Variants in LTBP1 observed in about 807,000 individuals in gnomAD.
LTBP1 encodes latent transforming growth factor beta binding protein 1.
LTBP1 carries 129 observed loss-of-function variants against 207.6 expected under a neutral mutation model. The observed-to-expected ratio is 0.62, with a 90% CI of 0.54 to 0.72. LTBP1 has a LOEUF of 0.72. Ranked by LOEUF, LTBP1 falls within the 30% of genes least tolerant of loss-of-function variation. The pLI is 0.00. For synonymous variants in LTBP1, 963 were observed against 833.7 expected, an observed-to-expected ratio of 1.16 and a Z score of -2.67; for missense variants, 2,281 against 2,217.2, an observed-to-expected ratio of 1.03 and a Z score of -0.58.
intron 9 of LTBP1, among the ~76,000 whole-genome samples, chr2:33,232,212 A>G (rs985270392): frequency 5.3e-5 from 8 of 152,194 alleles, no homozygotes; most frequent in African/African-American, 1.7e-4. Flanking sequence ...GAACCCAATC[A>G]GATATCCAGC....
At chr2:33,213,461 C>A (rs752714802) in intron 7 of LTBP1, among the ~76,000 whole-genome samples, 2 of 152,216 alleles carry the variant, frequency 1.3e-5, no homozygotes, top group Non-Finnish European at 2.9e-5. Flanking sequence ...CACCAGAAAG[C>A]AGAACCTAAC....
intron 3 of LTBP1, among the ~76,000 whole-genome samples, chr2:33,082,776 A>G (rs2078521678): frequency 6.6e-6 from 1 of 152,112 alleles, no homozygotes; most frequent in South Asian, 2.1e-4. Flanking sequence ...ATTTCTGACC[A>G]TGCTGTAGGA....
intron 3 of LTBP1, among the ~76,000 whole-genome samples, chr2:33,060,988 C>T (rs1027234612): frequency 6.6e-6 from 1 of 151,794 alleles, no homozygotes; most frequent in Non-Finnish European, 1.5e-5. Flanking sequence ...AGATCATAGA[C>T]CAATAACAAG....
chr2:33,062,707 A>G (rs1477930056), intron 3 of LTBP1, among the ~76,000 whole-genome samples: 2 of 152,194 alleles, frequency 1.3e-5, no homozygotes, highest in Non-Finnish European at 2.9e-5. Flanking sequence ...ATGAGAGGAT[A>G]TGTTCCAAGA....
In LTBP1 at chr2:33,263,385, A is replaced by G. The variant is rs767864557; in HGVS notation, c.2610A>G (p.Gln870=). The G allele has an allele frequency of 6.2e-7, 1 of 1,612,974 alleles. No individual in the cohort carries two copies. The highest frequency in any genetic ancestry group is 8.5e-7 in the Non-Finnish European group (1 of 1,179,202). ...SSASQVIAPT[Q]VTEINECTVN... ...CCAGCCAAGTGATTGCTCCTACTCA[A>G]GTGACAGGTTGGTGCAGTATTTTTA... The change falls in exon 15 of 34, where the codon CAA becomes CAG. Residue 870 remains glutamine, a synonymous_variant. Transcript: ENST00000404816.
chr2:33,296,697 A>T (rs189033535), intron 20 of LTBP1, among the ~76,000 whole-genome samples: 120 of 152,190 alleles, frequency 7.9e-4, no homozygotes, highest in Non-Finnish European at 1.5e-3. Flanking sequence ...CAAGATTATA[A>T]TATATATATA....
At chr2:33,343,272 T>G (rs1357561224) in intron 25 of LTBP1, among the ~76,000 whole-genome samples, 1 of 151,578 alleles carries the variant, frequency 6.6e-6, no homozygotes, top group Non-Finnish European at 1.5e-5. Context: ...TTAGCCAGGC[T>G]TGATGGTGGA....
At chr2:33,228,697 C>CTTCTTT (rs2091597094) in intron 9 of LTBP1, among the ~76,000 whole-genome samples, 1 of 99,060 alleles carries the variant, frequency 1.0e-5, no homozygotes, top group African/African-American at 4.1e-5. Context: ...GGGTTATACC[C>CTTCTTT]TTTTTTTTTT....
intron 3 of LTBP1, among the ~76,000 whole-genome samples, chr2:33,104,908 G>A (rs539229185): frequency 4.9e-4 from 75 of 152,014 alleles, no homozygotes; most frequent in Middle Eastern, 6.8e-3. Flanking sequence ...TTTTCCCCTC[G>A]GCTTTGAACC....
At chr2:33,312,347 G>T (rs746677370) in intron 23 of LTBP1, among the ~76,000 whole-genome samples, 37 of 152,174 alleles carry the variant, frequency 2.4e-4, no homozygotes, top group Non-Finnish European at 4.9e-4. Flanking sequence ...TTTTCAGTTG[G>T]AAGCGTGTTT....
rs780539754 is a variant in LTBP1 at position 32,947,709 on chromosome 2, G to T, written c.385G>T (p.Ala129Ser). ...CAATCCCGGCGGCCACCCGGCAGCC[G>T]CCCCGTTCACCAAACAAGGCAGGCA... ...HPNPGGHPAA[A>S]PFTKQGRQVV... Residue 129 changes from alanine (A) to serine (S), a missense_variant, in exon 1 of 34, where the codon GCC becomes TCC. This residue lies in a region of LTBP1 where 555 missense variants were observed against 491.0 expected (regional missense o/e 1.13). Transcript: ENST00000404816. 6.5e-7 allele frequency: 1 copy of T among 1,528,492 alleles called. No individual in the cohort carries two copies. The highest frequency in any genetic ancestry group is 8.8e-7 in the Non-Finnish European group (1 of 1,138,778). 94.7% of individuals were successfully genotyped at this position (1,528,492 alleles called of 1,614,324 possible). A position where few individuals can be genotyped will look rare whatever the true frequency, so the allele number is the denominator to read the frequency against.
At chr2:33,054,379 T>C (rs112903431) in intron 3 of LTBP1, among the ~76,000 whole-genome samples, 14,767 of 152,284 alleles carry the variant, frequency 0.097, 955 homozygotes, top group Non-Finnish European at 0.14. Flanking sequence ...TGGGATCTTT[T>C]AACCTGATTT....
At chr2:33,243,824 T>A (rs560847781) in intron 10 of LTBP1, 40 bp downstream of exon 10, 5 of 1,611,572 alleles carry the variant, frequency 3.1e-6, no homozygotes, top group Admixed American at 1.7e-5. Context: ...TTGGATTAAT[T>A]GTCTTTGGGG....
intron 2 of LTBP1, among the ~76,000 whole-genome samples, chr2:33,017,937 T>C (rs1300676385): frequency 6.6e-6 from 1 of 152,126 alleles, no homozygotes; most frequent in Non-Finnish European, 1.5e-5. Flanking sequence ...AGGGAATCTG[T>C]CCTCCTCCAG....
intron 5 of LTBP1, among the ~76,000 whole-genome samples, chr2:33,165,278 T>A (rs1303837028): frequency 6.6e-6 from 1 of 152,122 alleles, no homozygotes; most frequent in East Asian, 1.9e-4. Context: ...AATGATATAA[T>A]AGCTTGAACT....
chr2:33,075,809 TC>T (rs1291280007), intron 3 of LTBP1, among the ~76,000 whole-genome samples: 3 of 152,222 alleles, frequency 2.0e-5, no homozygotes. Context: ...AAAAGTCACT[TC>T]CAGGTACTTG....
chr2:33,037,255 A>G (rs374997672), intron 3 of LTBP1, among the ~76,000 whole-genome samples: 2 of 152,208 alleles, frequency 1.3e-5, no homozygotes, highest in East Asian at 1.9e-4. Context: ...TCCATCCTCT[A>G]TCCTACTGTG....
At chr2:33,309,614 G>A in intron 23 of LTBP1, 58 bp downstream of exon 23, 1 of 1,562,756 alleles carries the variant, frequency 6.4e-7, no homozygotes, top group Non-Finnish European at 8.7e-7. Flanking sequence ...ATTCTGCCAT[G>A]TTGCCAGATG....
intron 24 of LTBP1, among the ~76,000 whole-genome samples, chr2:33,327,682 G>C (rs2094444586): frequency 6.6e-6 from 1 of 152,108 alleles, no homozygotes; most frequent in Non-Finnish European, 1.5e-5. Context: ...TACTCAGAGT[G>C]CCTTAATATT....
Sources: allele counts gnomAD v4.1 joint callset (sites outside exome capture counted in the v4.1 genomes callset), GRCh38; gene constraint gnomAD v4.1.1; regional missense constraint gnomAD v4.1.1; transcripts MANE v1.5; gene names NCBI Gene and HGNC (gene_info 2026-07-23, HGNC 2026-07-21).